Variants in GRM3 observed in about 807,000 individuals in gnomAD.
GRM3 encodes the protein metabotropic glutamate receptor 3.
Under a neutral mutation model 70.5 loss-of-function variants are expected in GRM3, and 26 were observed. The ratio of observed to expected loss-of-function variants is 0.37; its 90% confidence interval spans 0.27 to 0.51. The LOEUF (loss-of-function observed/expected upper bound fraction) is 0.51. Among genes scored for constraint, GRM3 ranks in the 20% least tolerant of loss-of-function variants. The probability of loss-of-function intolerance (pLI) is 0.93; values close to 1 mark genes in which losing one functional copy is unlikely to be tolerated. For missense variants in GRM3, 859 were observed against 1,123.8 expected (o/e 0.76, Z 3.37); for synonymous variants, 443 against 434.9 (o/e 1.02, Z -0.23).
intron 1 of GRM3, among the ~76,000 whole-genome samples, chr7:86,736,683 G>A (rs1054081814): frequency 3.9e-5 from 6 of 152,112 alleles, no homozygotes; most frequent in African/African-American, 1.4e-4. Flanking sequence ...AAAGAGCAAA[G>A]AAACCTTCCA....
chr7:86,691,571 T>C (rs1794697774), intron 1 of GRM3, among the ~76,000 whole-genome samples: 2 of 152,120 alleles, frequency 1.3e-5, no homozygotes, highest in East Asian at 1.9e-4. Context: ...TCAAAACATG[T>C]TTTGGAAACT....
intron 3 of GRM3, among the ~76,000 whole-genome samples, chr7:86,787,380 T>A (rs751617514): frequency 6.6e-6 from 1 of 152,172 alleles, no homozygotes; most frequent in Non-Finnish European, 1.5e-5. Context: ...CTCCCTAGAT[T>A]AGGGCCAGGC....
intron 4 of GRM3, among the ~76,000 whole-genome samples, chr7:86,848,456 T>C (rs1334115981): frequency 6.6e-6 from 1 of 152,174 alleles, no homozygotes; most frequent in African/African-American, 2.4e-5. Flanking sequence ...TTCAGATGCC[T>C]GGAAGATGAC....
At chr7:86,772,037 A>C (rs1303379874) in intron 2 of GRM3, among the ~76,000 whole-genome samples, 1 of 152,092 alleles carries the variant, frequency 6.6e-6, no homozygotes, top group Non-Finnish European at 1.5e-5. Flanking sequence ...CTTCATGTAC[A>C]TGCCCCTCCA....
chr7:86,761,986 G>A (rs1450055573), intron 1 of GRM3, among the ~76,000 whole-genome samples: 1 of 151,968 alleles, frequency 6.6e-6, no homozygotes, highest in African/African-American at 2.4e-5. Flanking sequence ...TACACTTTTT[G>A]CAAAGACACA....
chr7:86,813,517 G>A (rs17161014), intron 3 of GRM3, among the ~76,000 whole-genome samples: 8,158 of 151,776 alleles, frequency 0.054, 697 homozygotes, highest in African/African-American at 0.18. Flanking sequence ...TTTTTAAAGC[G>A]TTATTAACAT....
chr7:86,812,497 G>C (rs1189082779), intron 3 of GRM3, among the ~76,000 whole-genome samples: 1 of 151,692 alleles, frequency 6.6e-6, no homozygotes, highest in Non-Finnish European at 1.5e-5. Context: ...AAAAGGTTAG[G>C]ATTAACGTTA....
intron 1 of GRM3, among the ~76,000 whole-genome samples, chr7:86,685,994 C>A (rs7794531): frequency 0.033 from 5,044 of 151,600 alleles, 277 homozygotes; most frequent in African/African-American, 0.12. Context: ...CCTTGAGCAC[C>A]GTATCTGGCA....
At chr7:86,827,621 C>A (rs1026973260) in intron 3 of GRM3, among the ~76,000 whole-genome samples, 5 of 151,884 alleles carry the variant, frequency 3.3e-5, no homozygotes, top group Admixed American at 3.3e-4. Context: ...TCAAGCGATT[C>A]TCCTGCCCCA....
At chr7:86,716,701 T>C (rs1795325733) in intron 1 of GRM3, among the ~76,000 whole-genome samples, 1 of 151,464 alleles carries the variant, frequency 6.6e-6, no homozygotes, top group Non-Finnish European at 1.5e-5. Flanking sequence ...AAAAAAATAG[T>C]TTCTGCTTAT....
Position 86,735,704 on chromosome 7 carries a change from G to A in GRM3, c.-140-29302G>A, listed in dbSNP as rs1795842300. ...ACGAGTGGATGAAGGATCAAATAAA[G>A]CTGTCTACAGGTTTGTTTTAATACA... On this transcript the variant is annotated intron_variant, in intron 1 of 5. Transcript: ENST00000361669. 2.0e-5 allele frequency among the ~76,000 whole-genome samples: 3 copies of A among 152,150 alleles called. No homozygotes were observed. The South Asian group carries it at 6.2e-4, about 32-fold the overall frequency.
chr7:86,764,675 G>C (rs1477901754), intron 1 of GRM3, among the ~76,000 whole-genome samples: 1 of 152,012 alleles, frequency 6.6e-6, no homozygotes, highest in Non-Finnish European at 1.5e-5. Context: ...TGACTCAGTA[G>C]AGAGAGTACT....
chr7:86,724,772 G>T (rs1024745063), intron 1 of GRM3, among the ~76,000 whole-genome samples: 28 of 135,418 alleles, frequency 2.1e-4, no homozygotes, highest in African/African-American at 8.3e-4. Flanking sequence ...TAGATTATTT[G>T]CAAAAGCCTA....
Position 86,786,142 on chromosome 7 carries a change from A to G in GRM3, c.469-119A>G. The G allele has an allele frequency of 1.2e-6, 1 of 813,140 alleles. No homozygotes were observed. 50.4% of individuals were successfully genotyped at this position (813,140 alleles called of 1,614,324 possible). A position where few individuals can be genotyped will look rare whatever the true frequency, so the allele number is the denominator to read the frequency against. ...ATCTCAAGAACTAACAGAAAAATGT[A>G]GCCATCTAGAGTAGAGGGAAAAGGG... On this transcript the variant is annotated intron_variant, in intron 2 of 5. Coordinates refer to ENST00000361669, the MANE Select transcript of GRM3 (RefSeq NM_000840.3). This position sits in a 1 kb window ranked among gnomAD's most constrained non-coding sequence, Gnocchi z 6.0.
chr7:86,681,782 T>C (rs1379686391), intron 1 of GRM3, among the ~76,000 whole-genome samples: 1 of 152,162 alleles, frequency 6.6e-6, no homozygotes, highest in African/African-American at 2.4e-5. Flanking sequence ...ACAGAAACAC[T>C]GATAAAGATG....
At chr7:86,780,419 T>C (rs890443195) in intron 2 of GRM3, among the ~76,000 whole-genome samples, 19 of 152,222 alleles carry the variant, frequency 1.2e-4, no homozygotes, top group African/African-American at 4.6e-4. Context: ...GCATTTCTTC[T>C]TGAGCAAAAT....
At chr7:86,706,635 T>A (rs1527765) in intron 1 of GRM3, among the ~76,000 whole-genome samples, 1 of 151,742 alleles carries the variant, frequency 6.6e-6, no homozygotes, top group South Asian at 2.1e-4. Flanking sequence ...TGGAAGCATA[T>A]GGATCCGGGA....
intron 1 of GRM3, among the ~76,000 whole-genome samples, chr7:86,730,248 C>T (rs1795697565): frequency 6.6e-6 from 1 of 152,110 alleles, no homozygotes; most frequent in South Asian, 2.1e-4. Flanking sequence ...TGGTGAAACC[C>T]GCCTCTACTG....
At chr7:86,685,206 C>T (rs554205510) in intron 1 of GRM3, among the ~76,000 whole-genome samples, 9 of 152,238 alleles carry the variant, frequency 5.9e-5, no homozygotes, top group Non-Finnish European at 1.0e-4. Flanking sequence ...TTTTCAAGTA[C>T]CAATTAAAGC....
Sources: allele counts gnomAD v4.1 joint callset (sites outside exome capture counted in the v4.1 genomes callset), GRCh38; gene constraint gnomAD v4.1.1; non-coding constraint Gnocchi (gnomAD v3.1); transcripts MANE v1.5; gene names NCBI Gene and HGNC (gene_info 2026-07-23, HGNC 2026-07-21).